C5: variants seen among roughly 807,000 people sequenced by gnomAD.
C5 encodes complement C5.
Under a neutral mutation model 218.8 loss-of-function variants are expected in C5, and 140 were observed. The observed-to-expected ratio is 0.64, with a 90% confidence interval of 0.56 to 0.74. The LOEUF is 0.74. Ranked by LOEUF, C5 falls within the 30% of genes least tolerant of loss-of-function variation. The pLI, the probability that C5 is intolerant of heterozygous loss-of-function variation, is 0.00. For synonymous variants in C5, 614 were observed against 682.3 expected (o/e 0.90, Z 1.56); for missense variants, 1,700 against 1,969.6 (o/e 0.86, Z 2.59).
chr9:120,992,089 T>C (rs1564142735), intron 22 of C5, among the ~76,000 whole-genome samples: 2 of 152,304 alleles, frequency 1.3e-5, no homozygotes, highest in South Asian at 2.1e-4. Flanking sequence ...GAAAGCACTC[T>C]GGGGGCAGGA....
chr9:121,025,720 C>G (rs970497313), intron 8 of C5, 140 bp from the exon 9 acceptor site: 3 of 746,556 alleles, frequency 4.0e-6, no homozygotes, highest in African/African-American at 3.5e-5. Flanking sequence ...AGTAGATAAC[C>G]GAGTCCACGA....
the C5 span, among the ~76,000 whole-genome samples, chr9:121,070,481 ATGTG>A: frequency 1.4e-5 from 2 of 147,528 alleles, no homozygotes; most frequent in Non-Finnish European, 3.0e-5. Flanking sequence ...GTGTATATAT[ATGTG>A]TGTGTGTGCG....
rs1333733710 is a variant in C5, at chr9:121,025,573, T to C, written c.881A>G (p.Asn294Ser). 3 of 1,612,076 alleles carry C rather than the reference T, an allele frequency of 1.9e-6. No individual in the cohort carries two copies. The highest frequency in any genetic ancestry group is 2.7e-5 in the African/African-American group (2 of 74,880). The change falls in exon 9 of 41, where the codon AAT becomes AGT. Residue 294 changes from asparagine (N) to serine (S), a missense_variant. Coordinates refer to ENST00000223642, the MANE Select transcript of C5 (RefSeq NM_001735.3). ...QTAMQNTMLI[N>S]GIAQVTFDSE... The stretch of plus-strand genomic sequence containing the variant: ...ATCAAATGTGACTTGAGCAATTCCA[T>C]TTATCAACTTTTTAAAAGGAGAAAA...
At position 121,033,079 on chromosome 9, in the gene C5, C is replaced by CACAT. The variant is rs1219724808; in HGVS notation, c.585-885_585-884insATGT. Among the ~76,000 whole-genome samples the CACAT allele has an allele frequency of 2.0e-5, 3 of 151,776 alleles. No homozygotes were observed. In the East Asian group the frequency reaches 5.8e-4, roughly 29 times the overall value. On this transcript the variant is annotated intron_variant, in intron 5 of 40. Transcript: ENST00000223642. ...GTGTGTATACACACATATATATACA[C>CACAT]ACACACACACATATATATACTGAGC...
Position 121,021,685 on chromosome 9 carries a change from T to C in C5, c.1126A>G (p.Lys376Glu). The C allele has an allele frequency of 1.2e-6, 2 of 1,613,138 alleles. No individual in the cohort carries two copies. The highest frequency in any genetic ancestry group is 1.7e-6 in the Non-Finnish European group (2 of 1,179,090). The change falls in exon 11 of 41, where the codon AAA becomes GAA. Residue 376 changes from lysine (K) to glutamate (E), a missense_variant. Physicochemically the swap from Lys to Glu is moderately conservative, Grantham distance 56. Coordinates refer to ENST00000223642, the MANE Select transcript of C5 (RefSeq NM_001735.3). ...GIPYPIKVQVKDSLDQLVGGV... is the reference protein window; with the variant it reads ...GIPYPIKVQVEDSLDQLVGGV... The stretch of plus-strand genomic sequence containing the variant: ...CCTACCAACTGGTCAAGCGAATCTT[T>C]AACCTGCACCTGTTTGTCAAAACAA...
chr9:121,018,680 AAGGG>A (rs1234034832), intron 12 of C5, among the ~76,000 whole-genome samples: 11 of 64,138 alleles, frequency 1.7e-4, no homozygotes, highest in Admixed American at 3.4e-4. Context: ...GGAAGGAAAG[AAGGG>A]AGGGAGGGAG....
chr9:120,964,388 C>T (rs2046850813), intron 33 of C5, among the ~76,000 whole-genome samples: 1 of 152,122 alleles, frequency 6.6e-6, no homozygotes, highest in Non-Finnish European at 1.5e-5. Flanking sequence ...ATTGCTTGAA[C>T]CTGGGAGGCG....
In C5 at chr9:120,974,873, C is replaced by T. The variant is rs548333233; in HGVS notation, c.3923G>A (p.Arg1308His). 1.1e-5 allele frequency: 18 copies of T among 1,614,042 alleles called. No individual in the cohort carries two copies. Among genetic ancestry groups the T allele is most frequent in the Admixed American group, 3.3e-5 (2 of 60,030 alleles). Reference sequence around the variant, plus strand: ...AGAAACATCGATGTCCATACTCAAGCGGAGTTGTTTAACCAGGAGTGAATA... The same window carrying T: ...AGAAACATCGATGTCCATACTCAAGTGGAGTTGTTTAACCAGGAGTGAATA... The part of the protein sequence containing the change: ...TEYSLLVKQL[R>H]LSMDIDVSYK... Residue 1308 changes from arginine (R) to histidine (H), a missense_variant, in exon 30 of 41, where the codon CGC (arginine) becomes CAC (histidine). By Grantham distance (29) the Arg-to-His change is conservative (BLOSUM62 0). Coordinates refer to ENST00000223642, the MANE Select transcript of C5 (RefSeq NM_001735.3).
the C5 span, among the ~76,000 whole-genome samples, chr9:121,056,790 A>G: frequency 6.6e-6 from 1 of 152,178 alleles, no homozygotes; most frequent in African/African-American, 2.4e-5. Context: ...AGAGAGAGAG[A>G]GAGAAAAATT....
intron 33 of C5, among the ~76,000 whole-genome samples, chr9:120,965,317 C>T (rs889825127): frequency 6.6e-6 from 1 of 151,920 alleles, no homozygotes; most frequent in South Asian, 2.1e-4. Context: ...GCCAGGAGTT[C>T]GAGACCAGCC....
chr9:121,071,084 C>T, the C5 span, among the ~76,000 whole-genome samples: 149 of 152,170 alleles, frequency 9.8e-4, no homozygotes, highest in African/African-American at 2.2e-3. Flanking sequence ...CCAAGGCAAG[C>T]GGATACTTGA....
chr9:120,952,674 A>G lies in C5; in HGVS notation c.*65T>C, dbSNP rs1042239675. ...GAATGTTTAAAAAAAGAAGAAAACA[A>G]AAAAACGAACTTCAACAACAGGAGT... On this transcript the variant is annotated 3_prime_UTR_variant, in exon 41 of 41. Transcript: ENST00000223642. The G allele has an allele frequency of 8.9e-6, 14 of 1,578,166 alleles. No individual in the cohort carries two copies. Among genetic ancestry groups the G allele is most frequent in the African/African-American group, 1.4e-5 (1 of 73,964 alleles).
At chr9:120,953,005 G>A (rs1284092016) in intron 40 of C5, 137 bp from the exon 41 acceptor site, 3 of 851,726 alleles carry the variant, frequency 3.5e-6, no homozygotes, top group Non-Finnish European at 5.5e-6. Flanking sequence ...CTCACTGCAA[G>A]CTCTGCCTCT....
rs374758086 is a variant in C5 at position 121,033,741 on chromosome 9, C to T, written c.584+1062G>A. On this transcript the variant is annotated intron_variant, in intron 5 of 40. Coordinates refer to ENST00000223642, the MANE Select transcript of C5 (RefSeq NM_001735.3). ...AAATTTTTAGAAAAATTTCAGTCAG[C>T]GAATTAACTGAGGGCAGAGGAAAAA... 3.9e-5 allele frequency among the ~76,000 whole-genome samples: 6 copies of T among 152,208 alleles called. 1 individual carries two copies. The highest frequency in any genetic ancestry group is 1.2e-4 in the African/African-American group (5 of 41,530).
intron 6 of C5, among the ~76,000 whole-genome samples, chr9:121,030,806 A>G (rs984186512): frequency 6.6e-6 from 1 of 152,208 alleles, no homozygotes; most frequent in Non-Finnish European, 1.5e-5. Flanking sequence ...ATTGTGACAT[A>G]ACATAATGAA....
At chr9:121,037,302 G>GT (rs201849062) in intron 4 of C5, among the ~76,000 whole-genome samples, 1,477 of 136,680 alleles carry the variant, frequency 0.011, 15 homozygotes, top group African/African-American at 0.033. Flanking sequence ...TTGTTTTTTG[G>GT]TTTTTTTTTT....
chr9:121,010,921 C>T (rs1432388092), intron 17 of C5, among the ~76,000 whole-genome samples: 1 of 152,094 alleles, frequency 6.6e-6, no homozygotes. Flanking sequence ...AACTGGTTAT[C>T]CCATTCATGC....
chr9:120,982,816 T>A lies in C5; in HGVS notation c.3231-2A>T. ...ACTCTTAAAGCAAAAGCTGTTAACC[T>A]TTAAGACAAAATCAAATAAATAAAT... On this transcript the variant is annotated splice_acceptor_variant, in intron 25 of 40. Transcript: ENST00000223642. LOFTEE classifies it high-confidence loss of function. 2 of 1,540,086 alleles carry A rather than the reference T, an allele frequency of 1.3e-6. No homozygotes were observed. The highest frequency in any genetic ancestry group is 1.8e-6 in the Non-Finnish European group (2 of 1,118,186).
rs2047078335 is a variant in C5, at chr9:120,991,732, T to C, written c.2852-452A>G. On this transcript the variant is annotated intron_variant, in intron 22 of 40. Coordinates refer to ENST00000223642, the MANE Select transcript of C5 (RefSeq NM_001735.3). Reference sequence around the variant, plus strand: ...TCTAGTTTTGATACTTTTTAATCTATGGGCAAAACAACAGAGTTTTAGCAT... The same window carrying C: ...TCTAGTTTTGATACTTTTTAATCTACGGGCAAAACAACAGAGTTTTAGCAT... Among the ~76,000 whole-genome samples the C allele has an allele frequency of 2.0e-5, 3 of 152,224 alleles. No homozygotes were observed. In the South Asian group the frequency reaches 6.2e-4, roughly 32 times the overall value.
Sources: gnomAD v4.1 joint callset for allele counts (sites outside exome capture counted in the v4.1 genomes callset) on GRCh38, gnomAD v4.1.1 for gene constraint, MANE v1.5 for transcripts, NCBI Gene and HGNC (gene_info 2026-07-23, HGNC 2026-07-21) for gene names.